The following PRDM15 variants were observed in gnomAD, a reference collection of about 807,000 sequenced individuals.
The protein encoded by PRDM15 is PR domain zinc finger protein 15.
Under a neutral mutation model 128.6 loss-of-function variants are expected in PRDM15, and 64 were observed. That is an observed-to-expected ratio of 0.50 (90% CI 0.41 to 0.61). The LOEUF (loss-of-function observed/expected upper bound fraction) is 0.61. Among genes scored for constraint, PRDM15 ranks in the 20% least tolerant of loss-of-function variants. PRDM15 has a pLI of 0.00. For synonymous variants in PRDM15, 615 were observed against 621.8 expected (o/e 0.99, Z 0.16); for missense variants, 1,242 against 1,569.1 (o/e 0.79, Z 3.52).
intron 18 of PRDM15, among the ~76,000 whole-genome samples, chr21:41,816,517 C>G (rs1321065621): frequency 1.3e-5 from 2 of 152,232 alleles, no homozygotes; most frequent in Non-Finnish European, 2.9e-5. Context: ...CTTCACTGTG[C>G]CTGCCCAGGG....
chr21:41,801,294 C>A lies in PRDM15; in HGVS notation c.3372G>T (p.Ala1124=). Residue 1124 remains alanine, a synonymous_variant, in exon 24 of 24, where the codon GCG becomes GCT. Coordinates refer to ENST00000398548, the MANE Select transcript of PRDM15 (RefSeq NM_001040424.3). ...GCTCCGCCTGCACCTGGGGCTGGGC[C>A]GCCTGCTGTGGGGGTGCCTGCGGCT... ...PSQPQAPPQQ[A]AQPQVQAEQQ... The A allele has an allele frequency of 6.4e-7, 1 of 1,559,530 alleles. No individual in the cohort carries two copies. Among genetic ancestry groups the A allele is most frequent in the South Asian group, 1.2e-5 (1 of 81,784 alleles).
intron 21 of PRDM15, among the ~76,000 whole-genome samples, chr21:41,805,055 C>A (rs548734474): frequency 6.6e-6 from 1 of 152,350 alleles, no homozygotes; most frequent in Admixed American, 6.5e-5. Flanking sequence ...TGAATCCATA[C>A]ACAAGTGCTT....
chr21:41,860,401 T>C (rs190540432), intron 1 of PRDM15, 29 bp from the exon 2 acceptor site: 71 of 1,601,294 alleles, frequency 4.4e-5, no homozygotes, highest in Admixed American at 2.3e-4. Context: ...GCCTCATTAA[T>C]GACAAGCTCT....
At position 41,859,532 on chromosome 21, in the gene PRDM15, C is replaced by T; in HGVS notation, c.131+60G>A. The T allele has an allele frequency of 1.4e-6, 2 of 1,403,238 alleles. No homozygotes were observed. Among genetic ancestry groups the T allele is most frequent in the Non-Finnish European group, 2.0e-6 (2 of 998,420 alleles). The allele number at this position is 1,403,238 out of a possible 1,614,324, so 86.9% of individuals were successfully genotyped here. On this transcript the variant is annotated intron_variant, in intron 3 of 23. Coordinates refer to ENST00000398548, the MANE Select transcript of PRDM15 (RefSeq NM_001040424.3). The surrounding 1 kb of genome is among the most constrained non-coding windows in gnomAD (Gnocchi z 5.3). ...CCTCCCCGTCTGCAGACCCAAAGGC[C>T]ACTAGGCTCCTGCCGCAGCTGGCAT...
At position 41,838,020 on chromosome 21, in the gene PRDM15, A is replaced by C. The variant is rs1471253604; in HGVS notation, c.915T>G (p.Pro305=). The C allele has an allele frequency of 1.2e-6, 2 of 1,614,040 alleles. No homozygotes were observed. The highest frequency in any genetic ancestry group is 2.7e-5 in the African/African-American group (2 of 74,928). The change falls in exon 8 of 24, where the codon CCT becomes CCG. Residue 305 remains proline (P), a synonymous_variant. Transcript: ENST00000398548. ...TCCGCTCATCTGGCGTTGCACTCAC[A>C]GGCTCATCCGGAGGGACCTCGGTAA... The part of the protein sequence containing the change: ...EIITEVPPDE[P]VSATPDERIM...
chr21:41,874,525 A>ATATATATATATATATATATATTTTTTT, intron 1 of PRDM15, among the ~76,000 whole-genome samples: 1 of 95,828 alleles, frequency 1.0e-5, no homozygotes, highest in Non-Finnish European at 2.0e-5. Flanking sequence ...ATATATATAT[A>ATATATATATATATATATATATTTTTTT]TTTTTTTTTT....
At chr21:41,843,860 G>A (rs1343535931) in intron 6 of PRDM15, among the ~76,000 whole-genome samples, 2 of 150,720 alleles carry the variant, frequency 1.3e-5, no homozygotes, top group Non-Finnish European at 2.9e-5. Flanking sequence ...AAAATGAGAG[G>A]ATCATTTGAG....
At position 41,859,694 on chromosome 21, in the gene PRDM15, A is replaced by G; in HGVS notation, c.38-9T>C. 1 of 1,612,922 alleles carries G rather than the reference A, an allele frequency of 6.2e-7. No individual in the cohort carries two copies. The highest frequency in any genetic ancestry group is 8.5e-7 in the Non-Finnish European group (1 of 1,179,214). On this transcript the variant is annotated splice_polypyrimidine_tract_variant and intron_variant, in intron 2 of 23. Coordinates refer to ENST00000398548, the MANE Select transcript of PRDM15 (RefSeq NM_001040424.3). This position sits in a 1 kb window ranked among gnomAD's most constrained non-coding sequence, Gnocchi z 5.3. ...GCTGCAGTCTTCACACCCTGCAAGC[A>G]GACATCCGGGCATTAGAGCACCCAG...
chr21:41,813,378 G>A (rs2146299601), intron 19 of PRDM15: 1 of 152,476 alleles, frequency 6.6e-6, no homozygotes, highest in Non-Finnish European at 1.5e-5. Context: ...CCCCAGGAAA[G>A]AGATGGACAG....
At chr21:41,822,683 G>A (rs2062321203) in intron 14 of PRDM15, among the ~76,000 whole-genome samples, 1 of 152,224 alleles carries the variant, frequency 6.6e-6, no homozygotes, top group African/African-American at 2.4e-5. Context: ...ACCAGGAAAT[G>A]GTATCAGGAA....
chr21:41,840,734 G>C (rs1003170942), intron 6 of PRDM15, among the ~76,000 whole-genome samples: 1 of 151,776 alleles, frequency 6.6e-6, no homozygotes, highest in African/African-American at 2.4e-5. Flanking sequence ...CACAAGCTGA[G>C]AGGAGAAAAC....
intron 9 of PRDM15, 52 bp downstream of exon 9, chr21:41,836,416 A>G (rs1392206918): frequency 6.4e-7 from 1 of 1,560,184 alleles, no homozygotes; most frequent in Non-Finnish European, 8.7e-7. Flanking sequence ...TCCCACCCCC[A>G]GCCCCAGTCC....
Position 41,799,624 on chromosome 21 carries a change from A to G in PRDM15, c.*1616T>C, listed in dbSNP as rs1225080605. The G allele has an allele frequency of 2.6e-5, 4 of 152,248 alleles. No individual in the cohort carries two copies. Among genetic ancestry groups the G allele is most frequent in the Admixed American group, 6.5e-5 (1 of 15,280 alleles). 9.4% of individuals were successfully genotyped at this position (152,248 alleles called of 1,614,324 possible). On this transcript the variant is annotated 3_prime_UTR_variant, in exon 24 of 24. Coordinates refer to ENST00000398548, the MANE Select transcript of PRDM15 (RefSeq NM_001040424.3). ...AAAACAAATTCCAGCCCTGTCCTCA[A>G]AAGTCTGCTGTTTGGAGTGAAGTGC...
intron 18 of PRDM15, 120 bp from the exon 19 acceptor site, chr21:41,815,956 G>GC: frequency 7.7e-7 from 1 of 1,302,024 alleles, no homozygotes; most frequent in Non-Finnish European, 1.1e-6. Flanking sequence ...GAGGGTGTGG[G>GC]CCGGCCCCCG....
At chr21:41,856,070 C>T (rs2063595205) in intron 4 of PRDM15, among the ~76,000 whole-genome samples, 1 of 29,154 alleles carries the variant, frequency 3.4e-5, no homozygotes, top group Admixed American at 2.7e-4. Flanking sequence ...CCCTCCCCTC[C>T]CTCCCTTCCT....
intron 6 of PRDM15, 26 bp downstream of exon 6, chr21:41,847,064 T>C: frequency 1.4e-6 from 2 of 1,450,694 alleles, no homozygotes; most frequent in Non-Finnish European, 9.5e-7. Flanking sequence ...GTTTTACAAC[T>C]GGGGCTCCCC....
intron 14 of PRDM15, 143 bp downstream of exon 14, chr21:41,823,175 G>A: frequency 9.1e-7 from 1 of 1,097,814 alleles, no homozygotes; most frequent in South Asian, 1.3e-5. Flanking sequence ...GGGCTTTGGG[G>A]TCTAGCCTCC....
chr21:41,870,652 G>A (rs1276454613), intron 1 of PRDM15: 3 of 152,198 alleles, frequency 2.0e-5, no homozygotes, highest in African/African-American at 7.2e-5. Flanking sequence ...GCACGGCAGA[G>A]GCCCCGAAAA....
At chr21:41,827,486 A>G (rs1357221420) in intron 12 of PRDM15, among the ~76,000 whole-genome samples, 1 of 152,180 alleles carries the variant, frequency 6.6e-6, no homozygotes, top group African/African-American at 2.4e-5. Flanking sequence ...AGTAGCTGGC[A>G]CTACAAGTAT....
Sources: allele counts gnomAD v4.1 joint callset (sites outside exome capture counted in the v4.1 genomes callset), GRCh38; gene constraint gnomAD v4.1.1; non-coding constraint Gnocchi (gnomAD v3.1); transcripts MANE v1.5; gene names NCBI Gene and HGNC (gene_info 2026-07-23, HGNC 2026-07-21).